The following PDE11A variants were observed in gnomAD, a reference collection of about 807,000 sequenced individuals.
PDE11A encodes phosphodiesterase 11A.
In PDE11A, 100 loss-of-function variants were observed where a neutral mutation model predicts 100.5. The observed-to-expected ratio is 1.00, with a 90% CI of 0.85 to 1.18. The LOEUF is 1.18. PDE11A is among the 50% of genes most tolerant of loss of function. The pLI, the probability that PDE11A is intolerant of heterozygous loss-of-function variation, is 0.00. For missense variants in PDE11A, 1,141 were observed against 1,152.6 expected, an observed-to-expected ratio of 0.99 and a Z score of 0.15; for synonymous variants, 381 against 420.8, an observed-to-expected ratio of 0.91 and a Z score of 1.16.
intron 6 of PDE11A, among the ~76,000 whole-genome samples, chr2:177,834,409 T>A (rs552123447): frequency 1.3e-5 from 2 of 152,340 alleles, no homozygotes; most frequent in South Asian, 2.1e-4. Context: ...GTCTTTTCCA[T>A]GGATTTTCCT....
intron 1 of PDE11A, among the ~76,000 whole-genome samples, chr2:178,028,706 A>C (rs2086508651): frequency 6.6e-6 from 1 of 152,238 alleles, no homozygotes; most frequent in Non-Finnish European, 1.5e-5. Context: ...AACTAATTCA[A>C]GCACCTGGAA....
chr2:178,044,604 C>G (rs1293044660), intron 1 of PDE11A, among the ~76,000 whole-genome samples: 1 of 151,938 alleles, frequency 6.6e-6, no homozygotes, highest in Non-Finnish European at 1.5e-5. Flanking sequence ...TATGATGCCA[C>G]AAGTCCTGAA....
At chr2:177,771,554 A>G (rs1019722940) in intron 9 of PDE11A, among the ~76,000 whole-genome samples, 8 of 152,192 alleles carry the variant, frequency 5.3e-5, no homozygotes, top group Non-Finnish European at 7.3e-5. Flanking sequence ...AATACTACAC[A>G]GGCATCTCCT....
intron 1 of PDE11A, among the ~76,000 whole-genome samples, chr2:178,041,028 C>A (rs1348295275): frequency 6.6e-6 from 1 of 152,102 alleles, no homozygotes; most frequent in African/African-American, 2.4e-5. Context: ...CAAAATTGAT[C>A]TCCCAGGCTC....
chr2:177,982,726 G>T (rs557889021), intron 2 of PDE11A, among the ~76,000 whole-genome samples: 2 of 150,696 alleles, frequency 1.3e-5, no homozygotes, highest in Non-Finnish European at 3.0e-5. Flanking sequence ...CTAGCAAAAT[G>T]TAATTTCTTG....
intron 10 of PDE11A, among the ~76,000 whole-genome samples, chr2:177,731,911 C>A (rs962447463): frequency 6.6e-6 from 1 of 152,078 alleles, no homozygotes; most frequent in African/African-American, 2.4e-5. Context: ...TTCCCAATTT[C>A]TTTGGCTTTG....
chr2:177,772,242 A>G (rs1212207901), intron 9 of PDE11A, among the ~76,000 whole-genome samples: 1 of 152,144 alleles, frequency 6.6e-6, no homozygotes, highest in Non-Finnish European at 1.5e-5. Flanking sequence ...GTTATTAAAA[A>G]TAAAGATATA....
chr2:177,668,126 AATTTC>A (rs1559134747), intron 18 of PDE11A, among the ~76,000 whole-genome samples: 1 of 152,168 alleles, frequency 6.6e-6, no homozygotes, highest in Non-Finnish European at 1.5e-5. Context: ...CCGCAAAATT[AATTTC>A]ATTTATGTCT....
At chr2:177,905,402 G>C (rs1478999495) in intron 2 of PDE11A, among the ~76,000 whole-genome samples, 1 of 152,164 alleles carries the variant, frequency 6.6e-6, no homozygotes, top group Non-Finnish European at 1.5e-5. Flanking sequence ...GCTTTAACTA[G>C]AGAATTCACA....
At chr2:177,935,117 A>C (rs1414688506) in intron 2 of PDE11A, among the ~76,000 whole-genome samples, 1 of 152,226 alleles carries the variant, frequency 6.6e-6, no homozygotes, top group African/African-American at 2.4e-5. Flanking sequence ...AAGTACAAAA[A>C]AAAAGATATT....
chr2:177,664,142 A>C (rs2080532741), intron 18 of PDE11A, among the ~76,000 whole-genome samples, 193 bp from the exon 19 acceptor site: 1 of 152,168 alleles, frequency 6.6e-6, no homozygotes, highest in Admixed American at 6.5e-5. Context: ...TCTTTTTATG[A>C]GATTTGTAAG....
chr2:178,000,143 C>T (rs754580065), intron 2 of PDE11A, among the ~76,000 whole-genome samples: 45 of 152,004 alleles, frequency 3.0e-4, no homozygotes, highest in Non-Finnish European at 5.6e-4. Flanking sequence ...ATATTATCCA[C>T]GGCACATGTG....
intron 2 of PDE11A, among the ~76,000 whole-genome samples, chr2:177,965,551 G>A (rs2085687781): frequency 6.6e-6 from 1 of 152,094 alleles, no homozygotes; most frequent in Non-Finnish European, 1.5e-5. Flanking sequence ...GTGAAATGAA[G>A]GGGTCCAGTT....
chr2:177,837,332 C>CA (rs2083420019), intron 6 of PDE11A, among the ~76,000 whole-genome samples: 1 of 152,154 alleles, frequency 6.6e-6, no homozygotes, highest in South Asian at 2.1e-4. Flanking sequence ...TGGTCAGTAA[C>CA]AAACTTTGCT....
intron 9 of PDE11A, among the ~76,000 whole-genome samples, chr2:177,778,891 T>C (rs2082414862): frequency 6.6e-6 from 1 of 152,248 alleles, no homozygotes; most frequent in Non-Finnish European, 1.5e-5. Context: ...GTCTGCTGTG[T>C]GATCTGTTAT....
intron 1 of PDE11A, among the ~76,000 whole-genome samples, chr2:178,059,347 C>T: frequency 6.6e-6 from 1 of 152,116 alleles, no homozygotes; most frequent in East Asian, 1.9e-4. Context: ...AGGCCGGCAG[C>T]ACCATGGCAT....
At position 177,783,674 on chromosome 2, in the gene PDE11A, C is replaced by A. The variant is rs115157341; in HGVS notation, c.1738-14301G>T. ...TGGATAGATTTTGCCCAAAATTAAC[C>A]TTTGTTTTTATTCTGTTTCCACAAA... On this transcript the variant is annotated intron_variant, in intron 9 of 19. Transcript: ENST00000286063. Among the ~76,000 whole-genome samples, 992 of 152,218 alleles carry A rather than the reference C, an allele frequency of 6.5e-3. 15 individuals are homozygous for A. Among genetic ancestry groups the A allele is most frequent in the African/African-American group, 0.022 (932 of 41,530 alleles).
chr2:177,833,308 T>C (rs2083340761), intron 6 of PDE11A, among the ~76,000 whole-genome samples: 1 of 152,214 alleles, frequency 6.6e-6, no homozygotes, highest in Non-Finnish European at 1.5e-5. Context: ...ACTTTACATG[T>C]TGCAAACTAA....
intron 5 of PDE11A, among the ~76,000 whole-genome samples, chr2:177,852,709 G>T (rs1162788694): frequency 6.6e-6 from 1 of 152,142 alleles, no homozygotes; most frequent in Non-Finnish European, 1.5e-5. Flanking sequence ...TATTGAACAA[G>T]TCTTTTAGTC....
Sources: gnomAD v4.1 joint callset for allele counts (sites outside exome capture counted in the v4.1 genomes callset) on GRCh38, gnomAD v4.1.1 for gene constraint, MANE v1.5 for transcripts, NCBI Gene and HGNC (gene_info 2026-07-23, HGNC 2026-07-21) for gene names.